Variants in TRIO observed in about 807,000 individuals in gnomAD.
The protein encoded by TRIO is triple functional domain protein.
TRIO carries 58 observed loss-of-function variants against 351.9 expected under a neutral mutation model. The ratio of observed to expected loss-of-function variants is 0.16; its 90% CI spans 0.13 to 0.21. The LOEUF (loss-of-function observed/expected upper bound fraction) is 0.21, where lower values mean the gene tolerates loss of function less well. Among genes scored for constraint, TRIO ranks in the 10% least tolerant of loss-of-function variants. The probability of loss-of-function intolerance (pLI) is 1.00; values close to 1 mark genes in which losing one functional copy is unlikely to be tolerated. For missense variants in TRIO, 3,201 were observed against 4,027.8 expected (o/e 0.79, Z 5.56); for synonymous variants, 1,758 against 1,595.7 (o/e 1.10, Z -2.42).
At chr5:14,182,390 A>T (rs1044189415) in intron 1 of TRIO, among the ~76,000 whole-genome samples, 2 of 152,202 alleles carry the variant, frequency 1.3e-5, no homozygotes, top group Admixed American at 1.3e-4. Context: ...CTACCTTGGG[A>T]CAAATTTATA....
At chr5:14,226,002 C>T (rs1284701708) in intron 1 of TRIO, among the ~76,000 whole-genome samples, 1 of 152,154 alleles carries the variant, frequency 6.6e-6, no homozygotes, top group Non-Finnish European at 1.5e-5. Context: ...GCTGATGCTT[C>T]CTGCTCCTTT....
At chr5:14,430,164 T>A (rs942107310) in intron 34 of TRIO, among the ~76,000 whole-genome samples, 1 of 150,276 alleles carries the variant, frequency 6.7e-6, no homozygotes, top group South Asian at 2.1e-4. Flanking sequence ...TATAAAACTT[T>A]GCGTGTAATG....
chr5:14,414,768 T>G (rs181122144), intron 33 of TRIO, among the ~76,000 whole-genome samples: 27 of 152,300 alleles, frequency 1.8e-4, no homozygotes, highest in Non-Finnish European at 3.4e-4. Flanking sequence ...TAGTGAACGC[T>G]TCTTCTTGGA....
intron 11 of TRIO, among the ~76,000 whole-genome samples, chr5:14,337,303 T>C (rs1162150345): frequency 6.6e-6 from 1 of 152,224 alleles, no homozygotes; most frequent in Non-Finnish European, 1.5e-5. Flanking sequence ...TATGTTATTC[T>C]TGGTAGAAAT....
At chr5:14,305,470 A>G (rs1738279448) in intron 8 of TRIO, among the ~76,000 whole-genome samples, 2 of 152,222 alleles carry the variant, frequency 1.3e-5, no homozygotes. Flanking sequence ...TCCCTGAGTA[A>G]GAAGCATCTA....
intron 11 of TRIO, 29 bp from the exon 12 acceptor site, chr5:14,358,149 C>A (rs2289847): frequency 6.3e-7 from 1 of 1,598,662 alleles, no homozygotes; most frequent in Non-Finnish European, 8.5e-7. Context: ...CCAGGCCGGC[C>A]GGCCTCACCC....
intron 1 of TRIO, among the ~76,000 whole-genome samples, chr5:14,195,089 G>A (rs764735706): frequency 2.0e-5 from 3 of 151,972 alleles, no homozygotes; most frequent in Non-Finnish European, 4.4e-5. Flanking sequence ...TTCATTCAAT[G>A]CTGTTATCTA....
At chr5:14,227,087 C>A (rs778979038) in intron 1 of TRIO, among the ~76,000 whole-genome samples, 1 of 152,142 alleles carries the variant, frequency 6.6e-6, no homozygotes, top group East Asian at 1.9e-4. Context: ...GGAAAACATG[C>A]GGAAATAGGA....
At chr5:14,183,661 C>T (rs926766440) in intron 1 of TRIO, 11 of 278,390 alleles carry the variant, frequency 4.0e-5, no homozygotes. Flanking sequence ...TTTTTTTCCC[C>T]CTCCATAATG....
chr5:14,399,471 G>T (rs1747889414), intron 30 of TRIO: 3 of 232,776 alleles, frequency 1.3e-5, no homozygotes, highest in Admixed American at 1.1e-4. Context: ...TTACTGGGTG[G>T]CTCACATTTA....
intron 4 of TRIO, among the ~76,000 whole-genome samples, chr5:14,289,110 G>A (rs372971931): frequency 7.9e-5 from 12 of 151,976 alleles, no homozygotes; most frequent in African/African-American, 2.2e-4. Context: ...AGGTGTGGCC[G>A]GGCGCGGTGG....
At chr5:14,488,409 T>G (rs1756208652) in intron 48 of TRIO, 149 bp downstream of exon 48, 2 of 1,243,612 alleles carry the variant, frequency 1.6e-6, no homozygotes, top group East Asian at 5.2e-5. Flanking sequence ...CTAACCCTCC[T>G]GCGGGCCGGC....
intron 36 of TRIO, among the ~76,000 whole-genome samples, chr5:14,463,528 CTA>C (rs760779583): frequency 6.0e-4 from 92 of 152,266 alleles, no homozygotes; most frequent in Admixed American, 1.4e-3. Flanking sequence ...CTTACGTAGT[CTA>C]AAATTATTTT....
chr5:14,378,873 A>G (rs1301135875), intron 20 of TRIO, among the ~76,000 whole-genome samples: 1 of 152,094 alleles, frequency 6.6e-6, no homozygotes, highest in Non-Finnish European at 1.5e-5. Context: ...AATTTCTAAT[A>G]ATTTAGTATA....
intron 1 of TRIO, among the ~76,000 whole-genome samples, chr5:14,212,994 C>G (rs1392506964): frequency 2.6e-5 from 4 of 152,122 alleles, no homozygotes; most frequent in Non-Finnish European, 5.9e-5. Flanking sequence ...TTGTTTCTGA[C>G]CAAGAAGAGT....
chr5:14,474,956 T>G (rs978830394), intron 40 of TRIO, among the ~76,000 whole-genome samples: 1 of 152,172 alleles, frequency 6.6e-6, no homozygotes, highest in Non-Finnish European at 1.5e-5. Flanking sequence ...ATTACAGGCA[T>G]GAGCCACCAC....
chr5:14,502,622 T>G lies in TRIO; in HGVS notation c.8376T>G (p.Phe2792Leu). ...TCATGGTGACCTGGAAAGACAACTT[T>G]GACTCCTTCTACAGTGAAGTGGCTG... The part of the protein sequence containing the change: ...DGIMVTWKDN[F>L]DSFYSEVAEL... Residue 2792 changes from phenylalanine (F) to leucine (L), a missense_variant, in exon 54 of 57, where the codon TTT (phenylalanine) becomes TTG (leucine). By Grantham distance (22) the Phe-to-Leu change is conservative. This residue lies in a region of TRIO where 1,089 missense variants were observed against 954.9 expected (regional missense o/e 1.14). Coordinates refer to ENST00000344204, the MANE Select transcript of TRIO (RefSeq NM_007118.4). 6.2e-7 allele frequency: 1 copy of G among 1,614,218 alleles called. No homozygotes were observed. Among genetic ancestry groups the G allele is most frequent in the Non-Finnish European group, 8.5e-7 (1 of 1,180,036 alleles).
chr5:14,492,381 G>A, intron 48 of TRIO, 186 bp from the exon 49 acceptor site: 4 of 721,042 alleles, frequency 5.5e-6, no homozygotes, highest in South Asian at 2.0e-5. Flanking sequence ...TACATTTTCA[G>A]TTATTGAAAT....
chr5:14,377,385 A>G (rs1745654520), intron 19 of TRIO, among the ~76,000 whole-genome samples: 1 of 151,960 alleles, frequency 6.6e-6, no homozygotes, highest in African/African-American at 2.4e-5. Context: ...AGCTGGGACT[A>G]CAGGCACCTG....
Sources: allele counts gnomAD v4.1 joint callset (sites outside exome capture counted in the v4.1 genomes callset), GRCh38; gene constraint gnomAD v4.1.1; regional missense constraint gnomAD v4.1.1; transcripts MANE v1.5; gene names NCBI Gene and HGNC (gene_info 2026-07-23, HGNC 2026-07-21).